The following CELF2 variants were observed in gnomAD, a reference collection of about 807,000 sequenced individuals.
The protein encoded by CELF2 is CUG triplet repeat RNA-binding protein 2.
A neutral mutation model predicts 62.6 loss-of-function variants in CELF2; 8 were observed. The observed-to-expected ratio is 0.13, with a 90% CI of 0.07 to 0.23. The LOEUF is 0.23. Ranked by LOEUF, CELF2 falls within the 10% of genes least tolerant of loss-of-function variation. CELF2 has a pLI of 1.00. For missense variants in CELF2, 333 were observed against 671.0 expected, an observed-to-expected ratio of 0.50 and a Z score of 5.56; for synonymous variants, 258 against 250.0, an observed-to-expected ratio of 1.03 and a Z score of -0.30.
At chr10:11,175,388 A>T (rs1221666785) in intron 2 of CELF2, among the ~76,000 whole-genome samples, 2 of 152,242 alleles carry the variant, frequency 1.3e-5, no homozygotes, top group East Asian at 3.8e-4. Context: ...TTCTCAAAAA[A>T]AAGAGAGAAT....
intron 1 of CELF2, among the ~76,000 whole-genome samples, chr10:10,890,452 T>C (rs2062053029): frequency 6.6e-6 from 1 of 152,188 alleles, no homozygotes; most frequent in East Asian, 1.9e-4. Flanking sequence ...AGTATAAAAT[T>C]CAGTTGTGCA....
At chr10:11,323,424 A>AAAAAATAAT (rs1555123560) in intron 11 of CELF2, among the ~76,000 whole-genome samples, 1 of 141,650 alleles carries the variant, frequency 7.1e-6, no homozygotes, top group Non-Finnish European at 1.5e-5. Flanking sequence ...GGCAGAGCAA[A>AAAAAATAAT]AATAATAATA....
At chr10:10,879,969 C>T (rs1461341528) in intron 1 of CELF2, among the ~76,000 whole-genome samples, 1 of 152,160 alleles carries the variant, frequency 6.6e-6, no homozygotes, top group East Asian at 1.9e-4. Context: ...ACAGGGTGAA[C>T]TCAAGCAGTT....
the CELF2 span, among the ~76,000 whole-genome samples, chr10:10,691,777 A>T: frequency 6.8e-6 from 1 of 146,086 alleles, no homozygotes; most frequent in Non-Finnish European, 1.5e-5. Flanking sequence ...GCATTTTTTC[A>T]TGTGTTTTTT....
In CELF2 at chr10:11,211,665, T is replaced by C. The variant is rs2061800773; in HGVS notation, c.272-5760T>C. ...TTGAAAAGGTTTGTGATAATCCAGATGGTTTCTTTGAGGATAAATCTACTT... is the reference window on the plus strand; with the variant it reads ...TTGAAAAGGTTTGTGATAATCCAGACGGTTTCTTTGAGGATAAATCTACTT... On this transcript the variant is annotated intron_variant, in intron 2 of 12. Coordinates refer to ENST00000633077, the MANE Select transcript of CELF2 (RefSeq NM_001326342.2). This position sits in a 1 kb window ranked among gnomAD's most constrained non-coding sequence, Gnocchi z 4.8. Among the ~76,000 whole-genome samples the C allele has an allele frequency of 6.6e-6, 1 of 152,196 alleles. No homozygotes were observed. The highest frequency in any genetic ancestry group is 2.4e-5 in the African/African-American group (1 of 41,438).
chr10:10,806,844 G>A (rs934553471), intron 1 of CELF2, among the ~76,000 whole-genome samples: 1 of 152,148 alleles, frequency 6.6e-6, no homozygotes, highest in Non-Finnish European at 1.5e-5. Context: ...GAAGGATCCA[G>A]TCCGGTTTTA....
intron 2 of CELF2, among the ~76,000 whole-genome samples, chr10:10,939,520 A>G (rs1468816315): frequency 6.6e-6 from 1 of 152,008 alleles, no homozygotes. Flanking sequence ...TCCTGACCTC[A>G]GGTGATCCAC....
chr10:10,653,598 A>T, the CELF2 span, among the ~76,000 whole-genome samples: 1 of 130,694 alleles, frequency 7.7e-6, no homozygotes, highest in Non-Finnish European at 1.6e-5. Flanking sequence ...GAAACTGAAC[A>T]ACCTGCTCCT....
Position 11,055,179 on chromosome 10 carries a change from G to T in CELF2, c.74+37016G>T, listed in dbSNP as rs922197381. Among the ~76,000 whole-genome samples the T allele has an allele frequency of 3.9e-5, 6 of 152,256 alleles. 1 individual carries two copies. Among genetic ancestry groups the T allele is most frequent in the Admixed American group, 3.3e-4 (5 of 15,290 alleles). On this transcript the variant is annotated intron_variant, in intron 1 of 12. Coordinates refer to ENST00000633077, the MANE Select transcript of CELF2 (RefSeq NM_001326342.2). ...AACTGGAAAACAAGTTGATGGGACAGATATTAACTGATACTTCACATGTAT... is the reference window on the plus strand; with the variant it reads ...AACTGGAAAACAAGTTGATGGGACATATATTAACTGATACTTCACATGTAT...
Position 11,217,364 on chromosome 10 carries a change from C to A in CELF2, c.272-61C>A. On this transcript the variant is annotated intron_variant, in intron 2 of 12. Coordinates refer to ENST00000633077, the MANE Select transcript of CELF2 (RefSeq NM_001326342.2). The surrounding 1 kb of genome is among the most constrained non-coding windows in gnomAD (Gnocchi z 5.6). ...GTAGATTGTTTGTTCGCCACAGTCT[C>A]CATTATATCTAAGCAAAGCATTCAC... 8.5e-7 allele frequency: 1 copy of A among 1,170,082 alleles called. No homozygotes were observed. The highest frequency in any genetic ancestry group is 2.4e-5 in the East Asian group (1 of 42,522). 72.5% of individuals were successfully genotyped at this position (1,170,082 alleles called of 1,614,324 possible).
chr10:11,053,990 T>C (rs557948780), intron 1 of CELF2, among the ~76,000 whole-genome samples: 1 of 152,296 alleles, frequency 6.6e-6, no homozygotes, highest in African/African-American at 2.4e-5. Flanking sequence ...AATAAAACTA[T>C]ATTTGCTAAT....
At chr10:10,511,409 T>C in the CELF2 span, among the ~76,000 whole-genome samples, 18 of 152,134 alleles carry the variant, frequency 1.2e-4, no homozygotes, top group Admixed American at 2.6e-4. Context: ...TAAGACTCCA[T>C]CTCAAAACTA....
At chr10:10,743,088 T>G in the CELF2 span, among the ~76,000 whole-genome samples, 2 of 152,302 alleles carry the variant, frequency 1.3e-5, no homozygotes, top group African/African-American at 4.8e-5. Context: ...ATGAAGAAAA[T>G]GATATTAGAT....
rs964599301 is a variant in CELF2, at chr10:11,191,334, A to G, written c.271+25652A>G. Among the ~76,000 whole-genome samples the G allele has an allele frequency of 6.6e-6, 1 of 152,158 alleles. No individual in the cohort carries two copies. Among genetic ancestry groups the G allele is most frequent in the Non-Finnish European group, 1.5e-5 (1 of 68,028 alleles). ...ATGCTCTGTTGATCTCAGCCAGTTGAAGCTGATGCCTCTGTCCTGGTGTTT... is the reference window on the plus strand; with the variant it reads ...ATGCTCTGTTGATCTCAGCCAGTTGGAGCTGATGCCTCTGTCCTGGTGTTT... On this transcript the variant is annotated intron_variant, in intron 2 of 12. Transcript: ENST00000633077. This position sits in a 1 kb window ranked among gnomAD's most constrained non-coding sequence, Gnocchi z 4.1.
At position 11,244,636 on chromosome 10, in the gene CELF2, G is replaced by A. The variant is rs541782437; in HGVS notation, c.355-4517G>A. On this transcript the variant is annotated intron_variant, in intron 3 of 12. Coordinates refer to ENST00000633077, the MANE Select transcript of CELF2 (RefSeq NM_001326342.2). This position sits in a 1 kb window ranked among gnomAD's most constrained non-coding sequence, Gnocchi z 4.2. ...TGCCACTGCACTCCATCCAGCCTAG[G>A]TGACAGAGCAAGACTCCGTCTCAAA... 5.2e-4 allele frequency among the ~76,000 whole-genome samples: 77 copies of A among 147,518 alleles called. No homozygotes were observed. The highest frequency in any genetic ancestry group is 1.9e-3 in the African/African-American group (75 of 39,920).
chr10:11,037,798 G>T (rs757077499), intron 1 of CELF2, among the ~76,000 whole-genome samples: 12 of 152,170 alleles, frequency 7.9e-5, no homozygotes, highest in Non-Finnish European at 1.3e-4. Context: ...GATTTACCAT[G>T]ATACTTCTGT....
At position 11,156,391 on chromosome 10, in the gene CELF2, G is replaced by A. The variant is rs2064392752; in HGVS notation, c.75-9095G>A. On this transcript the variant is annotated intron_variant, in intron 1 of 12. Transcript: ENST00000633077. This position sits in a 1 kb window ranked among gnomAD's most constrained non-coding sequence, Gnocchi z 4.3. ...TAAATGTGTTTTGAGGATGTGCTGA[G>A]ACCATCCTCACCGTCCAGACGAGGC... Among the ~76,000 whole-genome samples, 1 of 152,126 alleles carries A rather than the reference G, an allele frequency of 6.6e-6. No homozygotes were observed. The highest frequency in any genetic ancestry group is 1.5e-5 in the Non-Finnish European group (1 of 68,022).
At chr10:11,278,511 AAAGAGAAAGGGAGT>A (rs2086980366) in intron 8 of CELF2, among the ~76,000 whole-genome samples, 1 of 152,214 alleles carries the variant, frequency 6.6e-6, no homozygotes, top group Admixed American at 6.5e-5. Flanking sequence ...ATTTTTCTTG[AAAGAGAAAGGGAGT>A]AAGAGAAAGT....
the CELF2 span, among the ~76,000 whole-genome samples, chr10:10,502,712 A>G: frequency 2.6e-5 from 4 of 151,904 alleles, no homozygotes; most frequent in Non-Finnish European, 5.9e-5. Context: ...TTTTTAAAAA[A>G]TAGCCTTAGT....
Sources: gnomAD v4.1 joint callset for allele counts (sites outside exome capture counted in the v4.1 genomes callset) on GRCh38, gnomAD v4.1.1 for gene constraint, Gnocchi (gnomAD v3.1) non-coding constraint, MANE v1.5 for transcripts, NCBI Gene and HGNC (gene_info 2026-07-23, HGNC 2026-07-21) for gene names.